The following RORA variants were observed in gnomAD, a reference collection of about 807,000 sequenced individuals.
The protein encoded by RORA is RAR related orphan receptor A.
RORA carries 7 observed loss-of-function variants against 69.5 expected under a neutral mutation model. The ratio of observed to expected loss-of-function variants is 0.10; its 90% CI spans 0.06 to 0.19. The LOEUF (loss-of-function observed/expected upper bound fraction) is 0.19, where lower values mean the gene tolerates loss of function less well. Ranked by LOEUF, RORA falls within the 10% of genes least tolerant of loss-of-function variation. The pLI is 1.00. For synonymous variants in RORA, 261 were observed against 240.8 expected (o/e 1.08, Z -0.78); for missense variants, 457 against 663.0 (o/e 0.69, Z 3.41).
intron 3 of RORA, among the ~76,000 whole-genome samples, chr15:60,519,212 G>A (rs892035761): frequency 2.6e-5 from 4 of 152,138 alleles, no homozygotes; most frequent in Admixed American, 1.3e-4. Flanking sequence ...CCAGATCTGT[G>A]TGTCTTATGG....
intron 1 of RORA, among the ~76,000 whole-genome samples, chr15:61,187,323 G>A (rs1203840494): frequency 6.6e-6 from 1 of 152,230 alleles, no homozygotes; most frequent in Non-Finnish European, 1.5e-5. Flanking sequence ...AGTGGGGAAC[G>A]GAGAAGGCAG....
chr15:60,972,950 T>C (rs1291726320), intron 1 of RORA, among the ~76,000 whole-genome samples: 1 of 151,934 alleles, frequency 6.6e-6, no homozygotes, highest in Non-Finnish European at 1.5e-5. Context: ...CCCTTCTCTC[T>C]TCAGTTAATA....
intron 2 of RORA, among the ~76,000 whole-genome samples, chr15:60,668,849 G>A (rs1262709680): frequency 7.2e-5 from 11 of 152,124 alleles, no homozygotes; most frequent in Non-Finnish European, 1.5e-4. Flanking sequence ...CATATTCTAA[G>A]GAAATTAAGA....
At chr15:60,855,807 G>A (rs976800031) in intron 1 of RORA, among the ~76,000 whole-genome samples, 1 of 152,126 alleles carries the variant, frequency 6.6e-6, no homozygotes, top group African/African-American at 2.4e-5. Flanking sequence ...AGTAGAGACG[G>A]GGTTTCACCA....
At position 60,911,771 on chromosome 15, in the gene RORA, T is replaced by A. The variant is rs187953467; in HGVS notation, c.167-233085A>T. Among the ~76,000 whole-genome samples the A allele has an allele frequency of 1.1e-3, 166 of 150,906 alleles. 1 individual carries two copies. Among genetic ancestry groups the A allele is most frequent in the Non-Finnish European group, 1.8e-3 (122 of 67,762 alleles). ...CTGGAGTGCAATGGTGCAATTTCGG[T>A]TCACTGCAATTGCCAACTTCTGTGT... On this transcript the variant is annotated intron_variant, in intron 1 of 10. Coordinates refer to ENST00000335670, the MANE Select transcript of RORA (RefSeq NM_134261.3).
chr15:60,859,918 G>T (rs930554191), intron 1 of RORA, among the ~76,000 whole-genome samples: 2 of 151,988 alleles, frequency 1.3e-5, no homozygotes, highest in African/African-American at 4.8e-5. Context: ...CCCTGCAGCC[G>T]ATCCCTGACA....
intron 1 of RORA, among the ~76,000 whole-genome samples, chr15:60,928,057 T>C (rs1335348639): frequency 6.6e-6 from 1 of 152,082 alleles, no homozygotes; most frequent in East Asian, 1.9e-4. Flanking sequence ...TTTCCTCCCA[T>C]CCTCCCATCT....
At chr15:61,030,336 CAGG>C (rs1896094099) in intron 1 of RORA, among the ~76,000 whole-genome samples, 1 of 152,120 alleles carries the variant, frequency 6.6e-6, no homozygotes, top group African/African-American at 2.4e-5. Context: ...TATGTATATG[CAGG>C]AGAATATCCT....
chr15:60,933,969 G>A (rs1007379388), intron 1 of RORA, among the ~76,000 whole-genome samples: 1 of 152,362 alleles, frequency 6.6e-6, no homozygotes, highest in African/African-American at 2.4e-5. Flanking sequence ...AAAGTGATGA[G>A]AAGCGCATTG....
chr15:60,537,011 C>G lies in RORA; in HGVS notation c.197-5160G>C, dbSNP rs899490378. On this transcript the variant is annotated intron_variant, in intron 2 of 10. Coordinates refer to ENST00000335670, the MANE Select transcript of RORA (RefSeq NM_134261.3). The surrounding 1 kb of genome is among the most constrained non-coding windows in gnomAD (Gnocchi z 4.9). ...CCAATAAAGATTAAAAAGAAAAACC[C>G]TAAGGCATTTGATTTTATTTTCAGT... is the stretch of plus-strand genomic sequence containing the variant. Among the ~76,000 whole-genome samples, 1 of 152,178 alleles carries G rather than the reference C, an allele frequency of 6.6e-6. No homozygotes were observed. Among genetic ancestry groups the G allele is most frequent in the African/African-American group, 2.4e-5 (1 of 41,434 alleles).
intron 1 of RORA, among the ~76,000 whole-genome samples, chr15:60,946,020 G>A (rs918278766): frequency 9.2e-5 from 14 of 152,238 alleles, no homozygotes; most frequent in Non-Finnish European, 1.0e-4. Context: ...ACTCAGGTGG[G>A]TTATATGCAG....
intron 1 of RORA, among the ~76,000 whole-genome samples, chr15:61,093,199 A>T (rs1275499491): frequency 2.0e-5 from 3 of 152,216 alleles, no homozygotes; most frequent in Admixed American, 2.0e-4. Flanking sequence ...AAAAAAGGTA[A>T]TATTCTTCCA....
intron 2 of RORA, among the ~76,000 whole-genome samples, chr15:60,611,559 CAAAAAAAAAAAAAAA>C (rs533598270): frequency 2.0e-4 from 7 of 35,810 alleles, no homozygotes; most frequent in African/African-American, 8.0e-4. Flanking sequence ...TTGAGTTTTG[CAAAAAAAAAAAAAAA>C]AAAAAAAAAA....
chr15:60,591,993 G>C (rs1275249005), intron 2 of RORA, among the ~76,000 whole-genome samples: 4 of 151,946 alleles, frequency 2.6e-5, no homozygotes, highest in Non-Finnish European at 5.9e-5. Flanking sequence ...TCCCGGGTGC[G>C]GGCCCTGGGG....
intron 2 of RORA, chr15:60,592,979 G>A (rs1051542657): frequency 1.1e-5 from 5 of 454,528 alleles, no homozygotes; most frequent in African/African-American, 1.0e-4. Flanking sequence ...GAAAAGACAG[G>A]TTTGGTCTGG....
intron 1 of RORA, among the ~76,000 whole-genome samples, chr15:61,095,900 A>G (rs2140731552): frequency 6.6e-6 from 1 of 152,320 alleles, no homozygotes; most frequent in East Asian, 1.9e-4. Flanking sequence ...CATCTTTTCT[A>G]CTAAAGGCCT....
At chr15:61,113,694 C>T (rs1566995080) in intron 1 of RORA, among the ~76,000 whole-genome samples, 2 of 152,206 alleles carry the variant, frequency 1.3e-5, no homozygotes, top group South Asian at 2.1e-4. Flanking sequence ...CACACACACA[C>T]GCACGTGTGC....
chr15:61,007,007 G>C (rs1015923861), intron 1 of RORA, among the ~76,000 whole-genome samples: 8 of 151,842 alleles, frequency 5.3e-5, no homozygotes, highest in African/African-American at 1.9e-4. Flanking sequence ...TGCATTTGTG[G>C]TTAAGAGGTC....
chr15:60,525,806 T>C (rs1340153445), intron 3 of RORA, among the ~76,000 whole-genome samples: 1 of 152,290 alleles, frequency 6.6e-6, no homozygotes, highest in Admixed American at 6.5e-5. Context: ...TGTAGAAGCA[T>C]GTACTGTGTT....
Sources: allele counts gnomAD v4.1 joint callset (sites outside exome capture counted in the v4.1 genomes callset), GRCh38; gene constraint gnomAD v4.1.1; non-coding constraint Gnocchi (gnomAD v3.1); transcripts MANE v1.5; gene names NCBI Gene and HGNC (gene_info 2026-07-23, HGNC 2026-07-21).